The following SPTY2D1 variants were observed in gnomAD, a reference collection of about 807,000 sequenced individuals.
SPTY2D1 encodes SPT2 chromatin protein domain containing 1, also known as protein SPT2 homolog.
In SPTY2D1, 21 loss-of-function variants were observed where a neutral mutation model predicts 64.0. The ratio of observed to expected loss-of-function variants is 0.33; its 90% CI spans 0.23 to 0.47. SPTY2D1 has a LOEUF of 0.47. SPTY2D1 is among the 20% of genes least tolerant of loss of function. The pLI, the probability that SPTY2D1 is intolerant of heterozygous loss-of-function variation, is 1.00. For synonymous variants in SPTY2D1, 287 were observed against 286.8 expected, an observed-to-expected ratio of 1.00 and a Z score of -0.01; for missense variants, 724 against 837.2, an observed-to-expected ratio of 0.86 and a Z score of 1.67.
intron 1 of SPTY2D1, among the ~76,000 whole-genome samples, chr11:18,632,194 T>TTA (rs1305235372): frequency 6.6e-6 from 1 of 152,066 alleles, no homozygotes; most frequent in Non-Finnish European, 1.5e-5. Context: ...AACTACAGTC[T>TTA]TATCCTATTC....
Position 18,615,107 on chromosome 11 carries a change from G to A in SPTY2D1, c.1167C>T (p.Pro389=). 2 of 1,614,192 alleles carry A rather than the reference G, an allele frequency of 1.2e-6. No individual in the cohort carries two copies. The part of the protein sequence containing the change: ...PGQPSTGVAR[P]TVSSGPVPRR... ...TAGGCACAGGGCCAGAACTAACTGT[G>A]GGTCGAGCAACCCCTGTGCTGGGCT... The change falls in exon 3 of 6, where the codon CCC becomes CCT. Residue 389 remains proline, a synonymous_variant. Transcript: ENST00000336349.
intron 1 of SPTY2D1, among the ~76,000 whole-genome samples, chr11:18,632,887 A>T (rs1854610920): frequency 6.6e-6 from 1 of 152,198 alleles, no homozygotes; most frequent in Admixed American, 6.6e-5. Context: ...GAAATTCAAT[A>T]AGATCTAGAA....
chr11:18,609,987 T>C (rs1339695715), intron 5 of SPTY2D1, 33 bp from the exon 6 acceptor site: 1 of 1,574,828 alleles, frequency 6.3e-7, no homozygotes. Flanking sequence ...TATTTGTCAA[T>C]ATACATGAGA....
intron 1 of SPTY2D1, among the ~76,000 whole-genome samples, chr11:18,631,108 G>A (rs542479635): frequency 2.0e-5 from 3 of 152,276 alleles, no homozygotes; most frequent in Admixed American, 2.0e-4. Context: ...CAAAGTGCTG[G>A]GATTAAAGGT....
Position 18,614,978 on chromosome 11 carries a change from T to A in SPTY2D1, c.1296A>T (p.Thr432=). 1 of 1,614,188 alleles carries A rather than the reference T, an allele frequency of 6.2e-7. No individual in the cohort carries two copies. Residue 432 remains threonine, a synonymous_variant, in exon 3 of 6, where the codon ACA becomes ACT. Transcript: ENST00000336349. ...SNPSRRTVSG[T]CGPGQPASSS... is the part of the protein sequence containing the mutation. ...TGCTTGCAGGTTGTCCAGGGCCACA[T>A]GTACCACTGACTGTCCGCCTAGAGG...
intron 3 of SPTY2D1, among the ~76,000 whole-genome samples, chr11:18,614,329 G>T (rs1854252491): frequency 6.6e-6 from 1 of 152,132 alleles, no homozygotes; most frequent in South Asian, 2.1e-4. Context: ...AGCTAAGGTG[G>T]GAGAACTGCT....
rs1854295432 is a variant in SPTY2D1 at position 18,616,057 on chromosome 11, G to A, written c.217C>T (p.Arg73Ter). 6.2e-7 allele frequency: 1 copy of A among 1,612,102 alleles called. No homozygotes were observed. Residue 73 changes from arginine to a stop codon, truncating the protein, a stop_gained, in exon 3 of 6, where the codon CGA (arginine) becomes TGA (stop). Transcript: ENST00000336349. LOFTEE classifies it high-confidence loss of function. ...TTCTTGTCATGTTTGAGCTCAATTCGCTTTTTCACTAGTTCCTCTTTTCTC... is the reference window on the plus strand; with the variant it reads ...TTCTTGTCATGTTTGAGCTCAATTCACTTTTTCACTAGTTCCTCTTTTCTC... ...KRRKEELVKKRIELKHDKKAR... is the reference protein window; with the variant it reads ...KRRKEELVKK
At chr11:18,626,217 G>A (rs920214568) in intron 1 of SPTY2D1, among the ~76,000 whole-genome samples, 4 of 152,108 alleles carry the variant, frequency 2.6e-5, no homozygotes, top group Admixed American at 6.6e-5. Flanking sequence ...GATAATGCCA[G>A]TACTTCAGAA....
chr11:18,629,458 C>T lies in SPTY2D1; in HGVS notation c.60+4740G>A, dbSNP rs193066919. Among the ~76,000 whole-genome samples, 266 of 152,108 alleles carry T rather than the reference C, an allele frequency of 1.7e-3. 5 individuals are homozygous for T. Among genetic ancestry groups the T allele is most frequent in the Middle Eastern group, 6.8e-3 (2 of 294 alleles). ...GGCAGAGGTTGCAGTGAGCCCAGAT[C>T]GCTCACTGCATTCCAGCCTGGGCGA... On this transcript the variant is annotated intron_variant, in intron 1 of 5. Coordinates refer to ENST00000336349, the MANE Select transcript of SPTY2D1 (RefSeq NM_194285.3).
chr11:18,634,322 G>C lies in SPTY2D1; in HGVS notation c.-65C>G. 1 of 1,573,668 alleles carries C rather than the reference G, an allele frequency of 6.4e-7. No homozygotes were observed. The highest frequency in any genetic ancestry group is 8.7e-7 in the Non-Finnish European group (1 of 1,145,822). On this transcript the variant is annotated 5_prime_UTR_variant, in exon 1 of 6. Coordinates refer to ENST00000336349, the MANE Select transcript of SPTY2D1 (RefSeq NM_194285.3). ...AAGGACTGACAGCGCACCTAACCGA[G>C]GCGCCCAGCTACAGCCAACTGCACT...
chr11:18,618,814 A>C (rs1854343992), intron 1 of SPTY2D1, among the ~76,000 whole-genome samples: 1 of 152,236 alleles, frequency 6.6e-6, no homozygotes, highest in African/African-American at 2.4e-5. Context: ...GTTTCAACTA[A>C]ATTAGTCTGC....
chr11:18,609,811 A>C lies in SPTY2D1; in HGVS notation c.*50T>G, dbSNP rs1431353560. On this transcript the variant is annotated 3_prime_UTR_variant, in exon 6 of 6. Transcript: ENST00000336349. ...GGGCTTCTTCAGTCTGAAGGCAGGA[A>C]ATCCTTGCAGCAGAGCAGCTCTAGA... The C allele has an allele frequency of 1.3e-6, 2 of 1,571,524 alleles. No homozygotes were observed. Among genetic ancestry groups the C allele is most frequent in the Non-Finnish European group, 1.7e-6 (2 of 1,146,312 alleles).
intron 1 of SPTY2D1, among the ~76,000 whole-genome samples, chr11:18,632,195 T>C (rs1184578348): frequency 1.3e-5 from 2 of 152,094 alleles, no homozygotes; most frequent in Non-Finnish European, 2.9e-5. Context: ...ACTACAGTCT[T>C]ATCCTATTCC....
intron 1 of SPTY2D1, among the ~76,000 whole-genome samples, chr11:18,628,824 C>T (rs1043679520): frequency 2.7e-4 from 41 of 152,284 alleles, no homozygotes; most frequent in African/African-American, 9.1e-4. Context: ...TGTTGGCCCA[C>T]ACTGTTCTTT....
At chr11:18,610,206 G>T in intron 5 of SPTY2D1, 1 of 376,776 alleles carries the variant, frequency 2.7e-6, no homozygotes, top group South Asian at 6.4e-5. Flanking sequence ...TAAAATATAG[G>T]TTTATCTCAA....
At position 18,612,406 on chromosome 11, in the gene SPTY2D1, G is replaced by A; in HGVS notation, c.1794C>T (p.Asp598=). 1 of 1,610,532 alleles carries A rather than the reference G, an allele frequency of 6.2e-7. No homozygotes were observed. Among genetic ancestry groups the A allele is most frequent in the African/African-American group, 1.3e-5 (1 of 74,968 alleles). ...CTTCAATAAAATCTTCCATTTCAGA[G>A]TCGTATTCATCATCATCGTCATCTT... is the stretch of plus-strand genomic sequence containing the variant. ...EEEDDDDDEY[D]SEMEDFIEDE... is the part of the protein sequence containing the mutation. Residue 598 remains aspartate (D), a synonymous_variant, in exon 4 of 6, where the codon GAC becomes GAT. Coordinates refer to ENST00000336349, the MANE Select transcript of SPTY2D1 (RefSeq NM_194285.3). The surrounding 1 kb of genome is among the most constrained non-coding windows in gnomAD (Gnocchi z 4.6).
intron 1 of SPTY2D1, among the ~76,000 whole-genome samples, chr11:18,628,274 A>G (rs1272525438): frequency 6.6e-6 from 1 of 152,238 alleles, no homozygotes; most frequent in Non-Finnish European, 1.5e-5. Flanking sequence ...CCATTTGGCT[A>G]TTATGAATAA....
At chr11:18,629,203 A>C (rs969095669) in intron 1 of SPTY2D1, among the ~76,000 whole-genome samples, 1 of 152,202 alleles carries the variant, frequency 6.6e-6, no homozygotes, top group Non-Finnish European at 1.5e-5. Context: ...CAAGCCATCA[A>C]TTATAGCTAT....
At chr11:18,618,437 T>C (rs61424905) in intron 1 of SPTY2D1, among the ~76,000 whole-genome samples, 12,624 of 152,200 alleles carry the variant, frequency 0.083, 1,390 homozygotes, top group African/African-American at 0.26. Context: ...ATTTGAACTA[T>C]AAAAGGAAAA....
Sources: gnomAD v4.1 joint callset for allele counts (sites outside exome capture counted in the v4.1 genomes callset) on GRCh38, gnomAD v4.1.1 for gene constraint, Gnocchi (gnomAD v3.1) non-coding constraint, MANE v1.5 for transcripts, NCBI Gene and HGNC (gene_info 2026-07-23, HGNC 2026-07-21) for gene names.